Variants in ATP9B observed in about 807,000 individuals in gnomAD.
ATP9B encodes ATPase phospholipid transporting 9B.
Under a neutral mutation model 146.1 loss-of-function variants are expected in ATP9B, and 110 were observed. That is an observed-to-expected ratio of 0.75 (90% confidence interval 0.65 to 0.88). ATP9B has a LOEUF of 0.88. Ranked by LOEUF, ATP9B falls within the 40% of genes least tolerant of loss-of-function variation. The pLI is 0.00. For synonymous variants in ATP9B, 604 were observed against 569.7 expected (o/e 1.06, Z -0.86); for missense variants, 1,499 against 1,496.4 (o/e 1.00, Z -0.03).
chr18:79,192,850 T>C (rs1343236222), intron 8 of ATP9B, among the ~76,000 whole-genome samples: 1 of 152,154 alleles, frequency 6.6e-6, no homozygotes, highest in Non-Finnish European at 1.5e-5. Context: ...CCCTGAATAC[T>C]TTGATACCCA....
intron 5 of ATP9B, among the ~76,000 whole-genome samples, chr18:79,132,701 C>T (rs759723438): frequency 2.0e-5 from 3 of 152,308 alleles, no homozygotes; most frequent in Non-Finnish European, 4.4e-5. Context: ...TCCAGTATTT[C>T]ACAGTTACCT....
At chr18:79,350,155 C>A (rs868642310) in intron 25 of ATP9B, among the ~76,000 whole-genome samples, 1 of 152,234 alleles carries the variant, frequency 6.6e-6, no homozygotes, top group African/African-American at 2.4e-5. Flanking sequence ...CCTGGGGCAC[C>A]TGCTTCGGAC....
chr18:79,278,337 C>T (rs527860543), intron 13 of ATP9B, among the ~76,000 whole-genome samples: 52 of 152,270 alleles, frequency 3.4e-4, no homozygotes, highest in African/African-American at 1.1e-3. Flanking sequence ...TAGCTTCACT[C>T]GGGACTGTAC....
chr18:79,334,461 C>A (rs1416701408), intron 17 of ATP9B, among the ~76,000 whole-genome samples: 1 of 152,064 alleles, frequency 6.6e-6, no homozygotes, highest in African/African-American at 2.4e-5. Flanking sequence ...ATAGAACACA[C>A]CACAGCTTTA....
intron 23 of ATP9B, 49 bp from the exon 24 acceptor site, chr18:79,347,721 T>C: frequency 1.3e-6 from 2 of 1,490,780 alleles, no homozygotes; most frequent in Non-Finnish European, 1.8e-6. Context: ...TGGAGTCTGA[T>C]TTCCAGCGTC....
At chr18:79,213,675 G>A (rs1051700843) in intron 10 of ATP9B, among the ~76,000 whole-genome samples, 1 of 152,050 alleles carries the variant, frequency 6.6e-6, no homozygotes, top group Admixed American at 6.5e-5. Flanking sequence ...GTAGTGAAAG[G>A]CCATTGTCAT....
chr18:79,332,739 C>G (rs1391176557), intron 17 of ATP9B: 1 of 152,218 alleles, frequency 6.6e-6, no homozygotes, highest in Non-Finnish European at 1.5e-5. Context: ...AAATTGGGAA[C>G]GACAGGAGGT....
chr18:79,253,875 G>C (rs1199055283), intron 12 of ATP9B: 1 of 198,076 alleles, frequency 5.0e-6, no homozygotes, highest in Admixed American at 5.8e-5. Context: ...TAAATGTCCA[G>C]TGCCCTTTGA....
At chr18:79,303,849 T>C in intron 14 of ATP9B, 133 bp downstream of exon 14, 1 of 566,236 alleles carries the variant, frequency 1.8e-6, no homozygotes, top group Non-Finnish European at 3.1e-6. Flanking sequence ...ACTTCAGTCG[T>C]CTGTTCGAAT....
Position 79,311,188 on chromosome 18 carries a change from A to G in ATP9B, c.1773+3954A>G, listed in dbSNP as rs771447631. On this transcript the variant is annotated intron_variant, in intron 15 of 29. Coordinates refer to ENST00000426216, the MANE Select transcript of ATP9B (RefSeq NM_198531.5). ...AAGAAATGCTGGGCTGGGGCTGGAC[A>G]TTTCTCCATTTTGAAAATCTAAAAG... Among the ~76,000 whole-genome samples, 9 of 152,274 alleles carry G rather than the reference A, an allele frequency of 5.9e-5. No homozygotes were observed. In the East Asian group the frequency reaches 1.3e-3, roughly 23 times the overall value.
Position 79,331,656 on chromosome 18 carries a change from A to G in ATP9B, c.2028+1552A>G, listed in dbSNP as rs373214091. Among the ~76,000 whole-genome samples, 366 of 152,232 alleles carry G rather than the reference A, an allele frequency of 2.4e-3. 1 individual carries two copies. Among genetic ancestry groups the G allele is most frequent in the South Asian group, 6.2e-3 (30 of 4,820 alleles). ...TTCTTCGAGCTGGAGTTAAAAGTGT[A>G]TTATTCTGCTTCCATCAGGCTCCTC... On this transcript the variant is annotated intron_variant, in intron 17 of 29. Transcript: ENST00000426216.
At position 79,110,525 on chromosome 18, in the gene ATP9B, G is replaced by A; in HGVS notation, c.444+20G>A. ...CCTGGGGTAAGACTATTGCATTCTT[G>A]GAGATGGGTTGTGTGTCAGAGATTG... On this transcript the variant is annotated intron_variant, in intron 3 of 29. Coordinates refer to ENST00000426216, the MANE Select transcript of ATP9B (RefSeq NM_198531.5). The A allele has an allele frequency of 6.3e-7, 1 of 1,590,560 alleles. No homozygotes were observed. The highest frequency in any genetic ancestry group is 2.3e-5 in the East Asian group (1 of 44,298).
chr18:79,363,097 A>G (rs930102538), intron 26 of ATP9B: 1 of 152,240 alleles, frequency 6.6e-6, no homozygotes, highest in Non-Finnish European at 1.5e-5. Flanking sequence ...GAAAATTCCA[A>G]GGAATCCACA....
Position 79,158,246 on chromosome 18 carries a change from C to G in ATP9B, c.778+3691C>G, listed in dbSNP as rs115459562. Among the ~76,000 whole-genome samples the G allele has an allele frequency of 2.4e-3, 363 of 151,962 alleles. 5 individuals are homozygous for G. The highest frequency in any genetic ancestry group is 8.3e-3 in the African/African-American group (344 of 41,450). On this transcript the variant is annotated intron_variant, in intron 7 of 29. Transcript: ENST00000426216. Reference sequence around the variant, plus strand: ...TTGTGATATCTTCTTTGATTCATTGCTTATTTATTTTTAGTTTTTATTTTT... The same window carrying G: ...TTGTGATATCTTCTTTGATTCATTGGTTATTTATTTTTAGTTTTTATTTTT...
At chr18:79,349,415 C>T (rs188040436) in intron 25 of ATP9B, among the ~76,000 whole-genome samples, 66 of 152,336 alleles carry the variant, frequency 4.3e-4, no homozygotes, top group African/African-American at 1.6e-3. Flanking sequence ...GGAACTCACC[C>T]GTGGGAGGCC....
chr18:79,089,650 T>C (rs1669252255), intron 1 of ATP9B, among the ~76,000 whole-genome samples: 1 of 152,228 alleles, frequency 6.6e-6, no homozygotes, highest in African/African-American at 2.4e-5. Context: ...AGATACATAA[T>C]GTTTATAGAC....
chr18:79,305,954 A>G (rs9948304), intron 14 of ATP9B, among the ~76,000 whole-genome samples: 21,094 of 152,238 alleles, frequency 0.14, 1,591 homozygotes, highest in East Asian at 0.18. Context: ...ATTTGTGTGA[A>G]ATTAAATTGT....
intron 7 of ATP9B, 80 bp from the exon 8 acceptor site, chr18:79,176,732 AT>A: frequency 8.6e-7 from 1 of 1,157,286 alleles, no homozygotes; most frequent in Non-Finnish European, 1.3e-6. Flanking sequence ...CCCTGGAATT[AT>A]TCTTTGATGG....
chr18:79,329,426 GTTTGT>G, intron 16 of ATP9B, 124 bp downstream of exon 16: 4 of 1,044,196 alleles, frequency 3.8e-6, no homozygotes, highest in South Asian at 5.3e-5. Flanking sequence ...TTACAGTTTT[GTTTGT>G]TTTTTTTTTT....
Sources: gnomAD v4.1 joint callset for allele counts (sites outside exome capture counted in the v4.1 genomes callset) on GRCh38, gnomAD v4.1.1 for gene constraint, MANE v1.5 for transcripts, NCBI Gene and HGNC (gene_info 2026-07-23, HGNC 2026-07-21) for gene names.